CDH18: variants seen among roughly 807,000 people sequenced by gnomAD.
CDH18 encodes the protein cadherin 18.
Under a neutral mutation model 67.9 loss-of-function variants are expected in CDH18, and 31 were observed. The observed-to-expected ratio is 0.46, with a 90% CI of 0.34 to 0.62. The LOEUF (loss-of-function observed/expected upper bound fraction) is 0.62. CDH18 is among the 20% of genes least tolerant of loss of function. The pLI is 0.01. For missense variants in CDH18, 890 were observed against 975.5 expected (o/e 0.91, Z 1.17); for synonymous variants, 362 against 347.2 (o/e 1.04, Z -0.48).
At chr5:20,225,409 G>A (rs574637118) in intron 2 of CDH18, among the ~76,000 whole-genome samples, 13 of 152,108 alleles carry the variant, frequency 8.5e-5, no homozygotes, top group East Asian at 3.9e-4. Flanking sequence ...AACTTTCTAC[G>A]TCATAAAGAG....
intron 1 of CDH18, among the ~76,000 whole-genome samples, chr5:20,469,697 T>C (rs1751914756): frequency 6.6e-6 from 1 of 152,176 alleles, no homozygotes; most frequent in Non-Finnish European, 1.5e-5. Context: ...CTCCCTGGTC[T>C]TCATTGCTCC....
chr5:19,511,995 T>C lies in CDH18; in HGVS notation c.1512+8662A>G, dbSNP rs376816846. Among the ~76,000 whole-genome samples the C allele has an allele frequency of 2.6e-5, 4 of 152,074 alleles. No individual in the cohort carries two copies. In the East Asian group the frequency reaches 7.8e-4, roughly 30 times the overall value. On this transcript the variant is annotated intron_variant, in intron 10 of 12. Transcript: ENST00000382275. ...AACCTAGAGGCCTAGGAGGAAAAAC[T>C]GTTTTTGTGGGCCAGCCCAGGACCA... is the stretch of plus-strand genomic sequence containing the variant.
chr5:19,618,460 C>T (rs559573808), intron 5 of CDH18, among the ~76,000 whole-genome samples: 2 of 152,294 alleles, frequency 1.3e-5, no homozygotes, highest in Non-Finnish European at 2.9e-5. Context: ...CCCACTTTGG[C>T]CTCCCGAAGT....
intron 1 of CDH18, among the ~76,000 whole-genome samples, chr5:20,375,631 G>T (rs182259039): frequency 6.6e-6 from 1 of 152,296 alleles, no homozygotes; most frequent in African/African-American, 2.4e-5. Flanking sequence ...TTCCTGAGGT[G>T]TGACTGTCAA....
At chr5:20,126,339 C>G (rs1748822076) in intron 2 of CDH18, among the ~76,000 whole-genome samples, 1 of 152,240 alleles carries the variant, frequency 6.6e-6, no homozygotes, top group Admixed American at 6.5e-5. Context: ...TTAAGTCTAA[C>G]ACCTGAAACT....
At position 19,738,037 on chromosome 5, in the gene CDH18, T is replaced by C. The variant is rs185050738; in HGVS notation, c.523+8905A>G. 7.2e-5 allele frequency among the ~76,000 whole-genome samples: 11 copies of C among 152,240 alleles called. 1 individual carries two copies. In the East Asian group the frequency reaches 1.5e-3, roughly 21 times the overall value. On this transcript the variant is annotated intron_variant, in intron 4 of 12. Coordinates refer to ENST00000382275, the MANE Select transcript of CDH18 (RefSeq NM_004934.5). ...GATTCATGAATGGATATGATAAATA[T>C]AGAAAAAATGTCACATTTAAGAATA...
At chr5:19,508,870 T>C (rs901659927) in intron 10 of CDH18, among the ~76,000 whole-genome samples, 34 of 149,730 alleles carry the variant, frequency 2.3e-4, no homozygotes, top group Non-Finnish European at 4.2e-4. Context: ...CTTTTCTTTT[T>C]TTTTTTTTTT....
intron 2 of CDH18, among the ~76,000 whole-genome samples, chr5:20,024,025 A>T (rs949703810): frequency 6.6e-6 from 1 of 152,212 alleles, no homozygotes; most frequent in African/African-American, 2.4e-5. Flanking sequence ...AGGCAGTACA[A>T]GGAGTAGAGC....
intron 2 of CDH18, among the ~76,000 whole-genome samples, chr5:20,201,785 C>G (rs1010327981): frequency 6.6e-6 from 1 of 152,016 alleles, no homozygotes; most frequent in African/African-American, 2.4e-5. Context: ...GAAGAAGAGA[C>G]AGAGAAGCAC....
intron 3 of CDH18, among the ~76,000 whole-genome samples, chr5:19,781,535 T>G (rs1209573746): frequency 6.6e-6 from 1 of 152,152 alleles, no homozygotes; most frequent in African/African-American, 2.4e-5. Flanking sequence ...AGAGTTAAAA[T>G]TATTGAGGAA....
At chr5:20,260,521 G>A (rs188053164) in intron 1 of CDH18, among the ~76,000 whole-genome samples, 47 of 152,224 alleles carry the variant, frequency 3.1e-4, no homozygotes, top group Non-Finnish European at 5.0e-4. Context: ...ATGAGAATCT[G>A]AGGAACCCTG....
chr5:20,141,062 C>G (rs973410938), intron 2 of CDH18, among the ~76,000 whole-genome samples: 3 of 152,102 alleles, frequency 2.0e-5, no homozygotes, highest in African/African-American at 7.2e-5. Flanking sequence ...CCATTTCCAG[C>G]CATGTAATTT....
chr5:20,305,293 C>T (rs554251237), intron 1 of CDH18: 2 of 1,507,030 alleles, frequency 1.3e-6, no homozygotes, highest in African/African-American at 1.4e-5. Flanking sequence ...GCCTCCTCTA[C>T]TGTCAGATTC....
chr5:19,906,720 T>C (rs1561538129), intron 2 of CDH18, among the ~76,000 whole-genome samples: 1 of 151,978 alleles, frequency 6.6e-6, no homozygotes, highest in Non-Finnish European at 1.5e-5. Context: ...AAGAGTGCTA[T>C]GTAAACAGAA....
chr5:19,542,894 A>G (rs1235862889), intron 9 of CDH18, among the ~76,000 whole-genome samples: 1 of 152,128 alleles, frequency 6.6e-6, no homozygotes, highest in Non-Finnish European at 1.5e-5. Context: ...ACACGTTAAA[A>G]GGGTTCATTT....
intron 2 of CDH18, among the ~76,000 whole-genome samples, chr5:19,895,083 T>G (rs886362035): frequency 6.6e-6 from 1 of 152,114 alleles, no homozygotes; most frequent in Non-Finnish European, 1.5e-5. Context: ...GTAGTAGATA[T>G]TTTGGCCTAA....
chr5:20,293,402 G>A (rs1179734612), intron 1 of CDH18, among the ~76,000 whole-genome samples: 3 of 152,046 alleles, frequency 2.0e-5, no homozygotes, highest in African/African-American at 7.2e-5. Flanking sequence ...GAAAGAAAAT[G>A]TCATAAGGAA....
At chr5:19,551,476 A>C (rs964755625) in intron 8 of CDH18, among the ~76,000 whole-genome samples, 2 of 152,150 alleles carry the variant, frequency 1.3e-5, no homozygotes, top group Non-Finnish European at 2.9e-5. Flanking sequence ...TTGTGACCTT[A>C]AGAGATTTAG....
chr5:19,547,533 A>G (rs1323194868), intron 8 of CDH18, among the ~76,000 whole-genome samples: 4 of 152,180 alleles, frequency 2.6e-5, no homozygotes, highest in Non-Finnish European at 1.5e-5. Context: ...TTTTCTGAAA[A>G]TATGTAGTCT....
Sources: allele counts gnomAD v4.1 joint callset (sites outside exome capture counted in the v4.1 genomes callset), GRCh38; gene constraint gnomAD v4.1.1; transcripts MANE v1.5; gene names NCBI Gene and HGNC (gene_info 2026-07-23, HGNC 2026-07-21).